GARIN6: variants seen among roughly 807,000 people sequenced by gnomAD.
GARIN6 encodes Golgi-associated RAB2 interactor protein 6.
chr12:99,648,928 T>C, the GARIN6 span: 2 of 1,215,864 alleles, frequency 1.6e-6, no homozygotes. Context: ...GAGCTTCCAT[T>C]TGGAGGCCAT....
the GARIN6 span, chr12:99,648,471 G>C: frequency 1.2e-6 from 2 of 1,614,150 alleles, no homozygotes; most frequent in Non-Finnish European, 1.7e-6. Context: ...ACAATGCCAG[G>C]TGTGGTCCTG....
the GARIN6 span, chr12:99,648,911 G>A: frequency 7.5e-7 from 1 of 1,336,040 alleles, no homozygotes; most frequent in East Asian, 2.5e-5. Flanking sequence ...AGGTCTGAAG[G>A]CCAAATGAGC....
chr12:99,648,116 A>G, the GARIN6 span: 1 of 1,560,052 alleles, frequency 6.4e-7, no homozygotes, highest in Non-Finnish European at 8.7e-7. Context: ...ATGCCCGCTA[A>G]AGCATGTTAA....
At chr12:99,648,787 G>A in the GARIN6 span, 4 of 1,609,052 alleles carry the variant, frequency 2.5e-6, no homozygotes, top group African/African-American at 4.0e-5. Flanking sequence ...GAGGAGCCCA[G>A]TGGTGAGTCT....
the GARIN6 span, among the ~76,000 whole-genome samples, chr12:99,649,039 G>C: frequency 6.6e-6 from 1 of 152,108 alleles, no homozygotes; most frequent in Admixed American, 6.6e-5. Flanking sequence ...ATCCACAGCT[G>C]TTCATTTTAT....
chr12:99,650,066 C>CATATGCTCTATTGACAGGAAGGGTAGCA, the GARIN6 span: 1 of 152,508 alleles, frequency 6.6e-6, no homozygotes, highest in Non-Finnish European at 1.5e-5. Context: ...GCTCTAATAA[C>CATATGCTCTATTGACAGGAAGGGTAGCA]ATATGCTCTA....
At chr12:99,648,091 A>G in the GARIN6 span, 1 of 1,525,526 alleles carries the variant, frequency 6.6e-7, no homozygotes, top group Non-Finnish European at 8.8e-7. Context: ...CTGCCAGAGT[A>G]GCCAAGGAAA....
chr12:99,648,762 G>A, the GARIN6 span: 1 of 1,612,598 alleles, frequency 6.2e-7, no homozygotes, highest in Non-Finnish European at 8.5e-7. Flanking sequence ...ACTCATCTGT[G>A]TTGGAGGAAG....
the GARIN6 span, chr12:99,648,769 G>GAAGT: frequency 3.7e-6 from 6 of 1,611,966 alleles, no homozygotes; most frequent in Admixed American, 1.7e-5. Flanking sequence ...TGTGTTGGAG[G>GAAGT]AAGTGCAGAG....
chr12:99,648,168 G>A, the GARIN6 span: 4 of 1,607,174 alleles, frequency 2.5e-6, no homozygotes, highest in Non-Finnish European at 1.7e-6. Flanking sequence ...TTGATTTAAA[G>A]GAAGACATGG....
the GARIN6 span, chr12:99,648,608 G>T: frequency 9.3e-6 from 15 of 1,614,044 alleles, no homozygotes; most frequent in Admixed American, 2.5e-4. Flanking sequence ...CTTGCCACGG[G>T]CCGCTCTTTT....
the GARIN6 span, chr12:99,647,897 G>C: frequency 4.7e-6 from 2 of 423,434 alleles, no homozygotes; most frequent in Non-Finnish European, 8.5e-6. Context: ...TGTGTGCCCG[G>C]ACATCCACGA....
At chr12:99,648,029 C>A in the GARIN6 span, 1 of 1,126,646 alleles carries the variant, frequency 8.9e-7, no homozygotes, top group Non-Finnish European at 1.2e-6. Flanking sequence ...TCCCTGTTCT[C>A]AGTCACTTGG....
At chr12:99,649,459 A>G in the GARIN6 span, 1 of 1,345,660 alleles carries the variant, frequency 7.4e-7, no homozygotes, top group Non-Finnish European at 1.1e-6. Context: ...CAGTCATAAA[A>G]CCTATAGTGC....
chr12:99,648,221 C>T, the GARIN6 span: 26 of 1,614,158 alleles, frequency 1.6e-5, no homozygotes, highest in Non-Finnish European at 2.1e-5. Flanking sequence ...CAAAGCAGCC[C>T]CGCAATGGGC....
At chr12:99,648,315 G>T in the GARIN6 span, 27 of 1,614,042 alleles carry the variant, frequency 1.7e-5, no homozygotes, top group African/African-American at 2.9e-4. Context: ...CCATGTTTGA[G>T]AGCGACTTTA....
chr12:99,647,870 G>A, the GARIN6 span: 74 of 358,520 alleles, frequency 2.1e-4, 1 homozygote, highest in East Asian at 2.1e-3. Flanking sequence ...GGTCCCTCCC[G>A]AATGAGCACT....
chr12:99,648,935 C>T, the GARIN6 span: 2 of 1,175,086 alleles, frequency 1.7e-6, no homozygotes, highest in African/African-American at 1.6e-5. Context: ...CATTTGGAGG[C>T]CATGGTACAT....
the GARIN6 span, chr12:99,647,842 A>G: frequency 3.3e-6 from 1 of 304,038 alleles, no homozygotes; most frequent in South Asian, 6.8e-5. Flanking sequence ...GTGAAGTGGA[A>G]TATCAGGCTC....
Sources: allele counts gnomAD v4.1 joint callset (sites outside exome capture counted in the v4.1 genomes callset), GRCh38; gene constraint gnomAD v4.1.1; transcripts MANE v1.5; gene names NCBI Gene and HGNC (gene_info 2026-07-23, HGNC 2026-07-21).